The following HEPH variants were observed in gnomAD, a reference collection of about 807,000 sequenced individuals.
HEPH encodes hephaestin.
Under a neutral mutation model 80.8 loss-of-function variants are expected in HEPH, and 69 were observed. The observed-to-expected ratio is 0.85, with a 90% CI of 0.70 to 1.04. The LOEUF (loss-of-function observed/expected upper bound fraction) is 1.04, where lower values mean the gene tolerates loss of function less well. Ranked by LOEUF, HEPH falls within the 50% of genes least tolerant of loss-of-function variation. The pLI is 0.00. For missense variants in HEPH, 1,115 were observed against 891.3 expected, an observed-to-expected ratio of 1.25 and a Z score of -3.20; for synonymous variants, 431 against 322.8, an observed-to-expected ratio of 1.34 and a Z score of -3.60.
intron 13 of HEPH, among the ~76,000 whole-genome samples, chrX:66,205,954 A>G (rs2088747750): frequency 9.0e-6 from 1 of 111,415 alleles, no homozygotes. Context: ...ATCCTGGCTC[A>G]CTTTCTGGCT....
At chrX:66,191,906 G>A (rs1168632036) in intron 6 of HEPH, among the ~76,000 whole-genome samples, 2 of 111,365 alleles carry the variant, frequency 1.8e-5, no homozygotes, top group Non-Finnish European at 3.8e-5. Flanking sequence ...TCTAGTAAAT[G>A]CATCAGTGGT....
At position 66,208,196 on chromosome X, in the gene HEPH, C is replaced by A; in HGVS notation, c.2513C>A (p.Ala838Asp). The change falls in exon 15 of 21, where the codon GCT (alanine) becomes GAT (aspartate). Residue 838 changes from alanine to aspartate, a missense_variant. This residue lies in a region of HEPH where 716 missense variants were observed against 523.5 expected (regional missense o/e 1.37). Coordinates refer to ENST00000343002, the MANE Select transcript of HEPH (RefSeq NM_001367233.3). The part of the protein sequence containing the change: ...NNASRPYSVH[A>D]HGVLESTTVW... ...GCCAGCCGCCCCTACTCTGTGCATG[C>A]TCATGGAGTGCTAGAATCTACTACT... The A allele has an allele frequency of 8.3e-7, 1 of 1,207,925 alleles. No homozygotes were observed. Among genetic ancestry groups the A allele is most frequent in the East Asian group, 3.0e-5 (1 of 33,805 alleles).
At chrX:66,186,702 C>G (rs1214969325) in intron 4 of HEPH, among the ~76,000 whole-genome samples, 2 of 111,786 alleles carry the variant, frequency 1.8e-5, no homozygotes, top group African/African-American at 3.3e-5. Flanking sequence ...GGAGCTGTTC[C>G]TATTCGGCCA....
chrX:66,224,535 T>G (rs1306778135), intron 15 of HEPH, among the ~76,000 whole-genome samples: 1 of 112,446 alleles, frequency 8.9e-6, no homozygotes, highest in African/African-American at 3.2e-5. Context: ...TGAGGTGTGC[T>G]CACAATGAGG....
chrX:66,227,044 T>C (rs2089923136), intron 15 of HEPH, among the ~76,000 whole-genome samples: 2 of 111,979 alleles, frequency 1.8e-5, no homozygotes, highest in South Asian at 7.4e-4. Context: ...TATGAAATAC[T>C]GGTGAATGGA....
At chrX:66,193,451 T>G (rs754101669) in intron 7 of HEPH, 51 bp from the exon 8 acceptor site, 5 of 868,640 alleles carry the variant, frequency 5.8e-6, no homozygotes, top group Non-Finnish European at 6.4e-6. Context: ...GAGATGGGAG[T>G]CTATTTGATA....
intron 15 of HEPH, among the ~76,000 whole-genome samples, chrX:66,227,846 TTC>T (rs777537062): frequency 2.3e-3 from 257 of 111,742 alleles, no homozygotes; most frequent in Middle Eastern, 4.6e-3. Flanking sequence ...TCCAGATTTC[TTC>T]TTTTTGCTTC....
chrX:66,188,491 C>A lies in HEPH; in HGVS notation c.758C>A (p.Ala253Asp), dbSNP rs1400426278. 3.3e-6 allele frequency: 4 copies of A among 1,208,849 alleles called. No homozygotes were observed. Among genetic ancestry groups the A allele is most frequent in the Non-Finnish European group, 4.5e-6 (4 of 894,666 alleles). The stretch of plus-strand genomic sequence containing the variant: ...ATTGCCACTTACTGCTCAGATCCTG[C>A]TTCAGTGGACAAAGAAGATGAGACA... ...ENIATYCSDP[A>D]SVDKEDETFQ... is the part of the protein sequence containing the mutation. The change falls in exon 5 of 21, where the codon GCT becomes GAT. Residue 253 changes from alanine to aspartate, a missense_variant. Ala to Asp is a moderately radical substitution (Grantham distance 126, BLOSUM62 -2). Transcript: ENST00000343002.
chrX:66,236,298 A>C (rs1382789745), intron 15 of HEPH, among the ~76,000 whole-genome samples: 1 of 111,257 alleles, frequency 9.0e-6, no homozygotes, highest in African/African-American at 3.3e-5. Context: ...CTCATTACCT[A>C]GTTTATTGAG....
intron 15 of HEPH, among the ~76,000 whole-genome samples, chrX:66,237,002 T>G (rs915839141): frequency 9.0e-6 from 1 of 111,581 alleles, no homozygotes. Context: ...TATTTGGATA[T>G]TCTTTCTTTC....
intron 12 of HEPH, among the ~76,000 whole-genome samples, chrX:66,202,954 C>T (rs1173661967): frequency 9.7e-6 from 1 of 103,143 alleles, no homozygotes; most frequent in African/African-American, 3.5e-5. Context: ...CACACACACA[C>T]ACATAATATA....
Position 66,208,184 on chromosome X carries a change from A to G in HEPH, c.2501A>G (p.Tyr834Cys). The change falls in exon 15 of 21, where the codon TAC becomes TGC. Residue 834 changes from tyrosine (Y) to cysteine (C), a missense_variant. Physicochemically the swap from Tyr to Cys is radical, Grantham distance 194. Coordinates refer to ENST00000343002, the MANE Select transcript of HEPH (RefSeq NM_001367233.3). The part of the protein sequence containing the change: ...VVFKNNASRP[Y>C]SVHAHGVLES... ...TTCAAGAATAATGCCAGCCGCCCCT[A>G]CTCTGTGCATGCTCATGGAGTGCTA... The G allele has an allele frequency of 8.3e-7, 1 of 1,207,214 alleles. No homozygotes were observed. Among genetic ancestry groups the G allele is most frequent in the Non-Finnish European group, 1.1e-6 (1 of 892,244 alleles).
chrX:66,255,204 C>T, intron 16 of HEPH, 63 bp downstream of exon 16: 1 of 727,935 alleles, frequency 1.4e-6, no homozygotes, highest in East Asian at 3.3e-5. Flanking sequence ...AGCTATTAAC[C>T]AGGTGTAGTA....
In HEPH at chrX:66,225,569, C is replaced by T. The variant is rs767759685; in HGVS notation, c.2563+17323C>T. 9.1e-4 allele frequency among the ~76,000 whole-genome samples: 103 copies of T among 112,826 alleles called. 1 individual carries two copies. Among genetic ancestry groups the T allele is most frequent in the Non-Finnish European group, 1.7e-3 (90 of 53,296 alleles). ...GAGTAGGCAAGTTCCAAAGACTAGT[C>T]TTACCAACTTTCAGATGTCTGGACT... On this transcript the variant is annotated intron_variant, in intron 15 of 20. Coordinates refer to ENST00000343002, the MANE Select transcript of HEPH (RefSeq NM_001367233.3).
intron 15 of HEPH, among the ~76,000 whole-genome samples, chrX:66,244,298 GT>G (rs1364087000): frequency 2.7e-5 from 3 of 111,467 alleles, no homozygotes; most frequent in Admixed American, 9.5e-5. Flanking sequence ...CTTTTTCAGG[GT>G]TGTCAATGAG....
At chrX:66,207,163 A>T (rs2147839625) in intron 13 of HEPH, 32 bp from the exon 14 acceptor site, 2 of 1,162,487 alleles carry the variant, frequency 1.7e-6, no homozygotes, top group East Asian at 3.2e-5. Context: ...GTTGATGGCC[A>T]GGTGCTGATA....
At chrX:66,168,292 C>A (rs2086458047) in intron 1 of HEPH, among the ~76,000 whole-genome samples, 1 of 112,012 alleles carries the variant, frequency 8.9e-6, no homozygotes, top group South Asian at 3.7e-4. Context: ...TAACAAACTG[C>A]AGCCAGGAGG....
At chrX:66,259,595 G>A (rs993591816) in intron 18 of HEPH, among the ~76,000 whole-genome samples, 5 of 111,756 alleles carry the variant, frequency 4.5e-5, no homozygotes, top group Non-Finnish European at 7.5e-5. Flanking sequence ...TACTTGTTTT[G>A]AACCTTCTAA....
chrX:66,260,345 G>C (rs184456554), intron 19 of HEPH, 83 bp downstream of exon 19: 101 of 791,017 alleles, frequency 1.3e-4, no homozygotes, highest in Non-Finnish European at 2.4e-5. Flanking sequence ...AAAGCCTCTT[G>C]ATTGTCTCCT....
Sources: allele counts gnomAD v4.1 joint callset (sites outside exome capture counted in the v4.1 genomes callset), GRCh38; gene constraint gnomAD v4.1.1; regional missense constraint gnomAD v4.1.1; transcripts MANE v1.5; gene names NCBI Gene and HGNC (gene_info 2026-07-23, HGNC 2026-07-21).